The following KICS2 variants were observed in gnomAD, a reference collection of about 807,000 sequenced individuals.
KICS2 encodes the protein KICSTOR subunit 2, also known as KICSTOR complex protein C12orf66.
In KICS2, 13 loss-of-function variants were observed where a neutral mutation model predicts 31.4. That is an observed-to-expected ratio of 0.41 (90% CI 0.27 to 0.66). The LOEUF (loss-of-function observed/expected upper bound fraction) is 0.66, where lower values mean the gene tolerates loss of function less well. Ranked by LOEUF, KICS2 falls within the 30% of genes least tolerant of loss-of-function variation. KICS2 has a pLI of 0.28. For missense variants in KICS2, 455 were observed against 545.4 expected (o/e 0.83, Z 1.65); for synonymous variants, 209 against 214.8 (o/e 0.97, Z 0.24).
chr12:64,216,004 A>T, intron 1 of KICS2, 41 bp from the exon 2 acceptor site: 1 of 1,550,938 alleles, frequency 6.4e-7, no homozygotes, highest in Non-Finnish European at 8.7e-7. Context: ...AGTAAGAAGG[A>T]GAAACCGTAA....
At chr12:64,190,347 A>G (rs2037369524), downstream of KICS2, among the ~76,000 whole-genome samples, 1 of 152,238 alleles carries the variant, frequency 6.6e-6, no homozygotes, top group Non-Finnish European at 1.5e-5. Flanking sequence ...CAGACAAGGA[A>G]GTTGAGCTCA....
At chr12:64,196,372 G>A (rs2136690115) in intron 2 of KICS2, among the ~76,000 whole-genome samples, 1 of 151,470 alleles carries the variant, frequency 6.6e-6, no homozygotes. Flanking sequence ...TATTCCAACA[G>A]ACCTGCAGCT....
At chr12:64,196,150 C>T (rs1412995245) in intron 2 of KICS2, among the ~76,000 whole-genome samples, 1 of 152,112 alleles carries the variant, frequency 6.6e-6, no homozygotes, top group Admixed American at 6.5e-5. Context: ...GGGGGCAGGG[C>T]ACAGACACAC....
At chr12:64,201,570 C>T (rs1201680636) in intron 2 of KICS2, among the ~76,000 whole-genome samples, 1 of 99,786 alleles carries the variant, frequency 1.0e-5, no homozygotes. Context: ...CTAACCTGCA[C>T]AATGTGCACA....
intron 2 of KICS2, among the ~76,000 whole-genome samples, chr12:64,196,314 T>C (rs2037437401): frequency 6.6e-6 from 1 of 151,726 alleles, no homozygotes; most frequent in Non-Finnish European, 1.5e-5. Flanking sequence ...GCAGCCTAAC[T>C]GGGAGGCACC....
In KICS2 at chr12:64,195,462, TG is replaced by T. The variant is rs574610200; in HGVS notation, c.522-805del. On this transcript the variant is annotated intron_variant, in intron 2 of 2. Coordinates refer to ENST00000398055, the MANE Select transcript of KICS2 (RefSeq NM_152440.5). ...TGACAGTACCTACTATAAGCTTATA[TG>T]GAAAACACAGTAGATAAAATAAATG... Among the ~76,000 whole-genome samples, 74 of 152,320 alleles carry T rather than the reference TG, an allele frequency of 4.9e-4. 1 individual carries two copies. Among genetic ancestry groups the T allele is most frequent in the Non-Finnish European group, 7.1e-4 (48 of 68,034 alleles).
intron 2 of KICS2, among the ~76,000 whole-genome samples, chr12:64,201,823 G>A (rs2136694590): frequency 6.7e-6 from 1 of 148,952 alleles, no homozygotes; most frequent in South Asian, 2.2e-4. Context: ...ACTCCAGCCT[G>A]GGTGACAGAA....
chr12:64,206,674 T>C (rs571930583), intron 2 of KICS2, among the ~76,000 whole-genome samples: 5 of 152,292 alleles, frequency 3.3e-5, no homozygotes, highest in African/African-American at 1.2e-4. Context: ...AAAGAAAATG[T>C]GGTACATACA....
At chr12:64,205,754 G>GAAAAGGGAATGAAGGA (rs2037532906) in intron 2 of KICS2, among the ~76,000 whole-genome samples, 1 of 56,876 alleles carries the variant, frequency 1.8e-5, no homozygotes, top group African/African-American at 5.2e-5. Flanking sequence ...GGGAGGGAGG[G>GAAAAGGGAATGAAGGA]AAAAGGGAAG....
downstream of KICS2, chr12:64,187,667 G>C: frequency 6.5e-7 from 1 of 1,533,914 alleles, no homozygotes; most frequent in Non-Finnish European, 8.7e-7. Context: ...TAGAAAAGTA[G>C]AGAGGGAATT....
At chr12:64,216,623 A>C (rs2037631449) in intron 1 of KICS2, among the ~76,000 whole-genome samples, 1 of 152,226 alleles carries the variant, frequency 6.6e-6, no homozygotes, top group Non-Finnish European at 1.5e-5. Context: ...GTTATAAATA[A>C]TAAGCACCAC....
intron 2 of KICS2, among the ~76,000 whole-genome samples, chr12:64,207,924 T>C (rs573175366): frequency 1.3e-5 from 2 of 152,216 alleles, no homozygotes; most frequent in Admixed American, 6.5e-5. Flanking sequence ...CAAATCCTTA[T>C]GAGGAACATA....
rs770099991 is a variant in KICS2 at position 64,194,598 on chromosome 12, C to A, written c.582G>T (p.Leu194=). The A allele has an allele frequency of 1.4e-5, 23 of 1,614,018 alleles. No homozygotes were observed. The highest frequency in any genetic ancestry group is 1.7e-5 in the Non-Finnish European group (20 of 1,180,044). Residue 194 remains leucine (L), a synonymous_variant, in exon 3 of 3, where the codon CTG becomes CTT. Coordinates refer to ENST00000398055, the MANE Select transcript of KICS2 (RefSeq NM_152440.5). ...GGGCCTGGGCTTTCAGGAGATGACA[C>A]AGGACGTCAACTTCCAGCTGGAAAC... is the stretch of plus-strand genomic sequence containing the variant. The part of the protein sequence containing the change: ...ESSFQLEVDV[L]CHLLKAQAQV...
Position 64,193,218 on chromosome 12 carries a change from G to T in KICS2, c.*624C>A. On this transcript the variant is annotated 3_prime_UTR_variant, in exon 3 of 3. Transcript: ENST00000398055. ...AAAAGAACCCATGGCTATTAAAGCTGCCATGAGGATCTTCTGAACTGTTAA... is the reference window on the plus strand; with the variant it reads ...AAAAGAACCCATGGCTATTAAAGCTTCCATGAGGATCTTCTGAACTGTTAA... 1.0e-6 allele frequency: 1 copy of T among 985,494 alleles called. No homozygotes were observed. Among genetic ancestry groups the T allele is most frequent in the Non-Finnish European group, 1.2e-6 (1 of 830,008 alleles). The allele number at this position is 985,494 out of a possible 1,614,324, so 61.0% of individuals were successfully genotyped here.
intron 1 of KICS2, chr12:64,221,649 G>C (rs981648095): frequency 1.2e-5 from 4 of 345,092 alleles, no homozygotes; most frequent in Admixed American, 4.4e-5. Flanking sequence ...GTTTTGCAAA[G>C]TTTTGCTCTT....
chr12:64,197,895 A>G (rs1400008632), intron 2 of KICS2, among the ~76,000 whole-genome samples: 1 of 139,412 alleles, frequency 7.2e-6, no homozygotes. Flanking sequence ...CAACAAGAAG[A>G]GCTAACTATC....
In KICS2 at chr12:64,208,467, A is replaced by C. The variant is rs2136700606; in HGVS notation, c.521+7211T>G. On this transcript the variant is annotated intron_variant, in intron 2 of 2. Transcript: ENST00000398055. ...TCTAAGCATGTCAAATGACTAGGAG[A>C]GAGTGCATTCCACAGAAATTGCACT... is the stretch of plus-strand genomic sequence containing the variant. Among the ~76,000 whole-genome samples, 2 of 152,346 alleles carry C rather than the reference A, an allele frequency of 1.3e-5. 1 individual carries two copies. Among genetic ancestry groups the C allele is most frequent in the Middle Eastern group, 6.8e-3 (2 of 294 alleles).
In KICS2 at chr12:64,222,266, G is replaced by A. The variant is rs367967234; in HGVS notation, c.-29C>T. The stretch of plus-strand genomic sequence containing the variant: ...AGCTGCGCCCCAGCTCGACCCACGT[G>A]GCTCTCCTCGGCCTCGCACTTCCGG... On this transcript the variant is annotated 5_prime_UTR_variant, in exon 1 of 3. Coordinates refer to ENST00000398055, the MANE Select transcript of KICS2 (RefSeq NM_152440.5). 1.9e-6 allele frequency: 3 copies of A among 1,607,956 alleles called. No individual in the cohort carries two copies. The highest frequency in any genetic ancestry group is 2.5e-6 in the Non-Finnish European group (3 of 1,177,452).
At chr12:64,213,248 C>T (rs2037600515) in intron 2 of KICS2, among the ~76,000 whole-genome samples, 1 of 152,040 alleles carries the variant, frequency 6.6e-6, no homozygotes, top group South Asian at 2.1e-4. Flanking sequence ...CTTCCTAGGT[C>T]TTCTGAAGAA....
Sources: gnomAD v4.1 joint callset for allele counts (sites outside exome capture counted in the v4.1 genomes callset) on GRCh38, gnomAD v4.1.1 for gene constraint, MANE v1.5 for transcripts, NCBI Gene and HGNC (gene_info 2026-07-23, HGNC 2026-07-21) for gene names.